LEF1: variants seen among roughly 807,000 people sequenced by gnomAD.
LEF1 encodes the protein lymphoid enhancer-binding factor 1.
A neutral mutation model predicts 51.2 loss-of-function variants in LEF1; 14 were observed. The ratio of observed to expected loss-of-function variants is 0.27; its 90% CI spans 0.18 to 0.43. LEF1 has a LOEUF of 0.43. Ranked by LOEUF, LEF1 falls within the 20% of genes least tolerant of loss-of-function variation. The probability of loss-of-function intolerance (pLI) is 1.00; values close to 1 mark genes in which losing one functional copy is unlikely to be tolerated. For synonymous variants in LEF1, 185 were observed against 183.2 expected, an observed-to-expected ratio of 1.01 and a Z score of -0.08; for missense variants, 386 against 512.0, an observed-to-expected ratio of 0.75 and a Z score of 2.37.
chr4:108,144,835 T>C (rs915168497), intron 3 of LEF1, among the ~76,000 whole-genome samples: 1 of 117,592 alleles, frequency 8.5e-6, no homozygotes, highest in Non-Finnish European at 1.6e-5. Context: ...CTGCAAGTAA[T>C]CTGTACAGCA....
intron 3 of LEF1, among the ~76,000 whole-genome samples, chr4:108,136,312 T>C (rs1226299177): frequency 1.3e-5 from 2 of 152,228 alleles, no homozygotes; most frequent in African/African-American, 4.8e-5. Context: ...TTTGTCCTTC[T>C]ACTATATGCG....
chr4:108,126,869 A>ATGTG (rs34301406), intron 3 of LEF1, among the ~76,000 whole-genome samples: 5,073 of 146,482 alleles, frequency 0.035, 182 homozygotes, highest in African/African-American at 0.098. Context: ...ATTTACTGAT[A>ATGTG]TGTGTGTGTG....
chr4:108,069,942 A>G (rs995506745), intron 9 of LEF1, among the ~76,000 whole-genome samples: 3 of 116,802 alleles, frequency 2.6e-5, no homozygotes, highest in Non-Finnish European at 3.6e-5. Flanking sequence ...TGGGCGACAG[A>G]GTGAGATTCT....
chr4:108,072,669 C>T (rs1738565607), intron 8 of LEF1, among the ~76,000 whole-genome samples: 1 of 151,978 alleles, frequency 6.6e-6, no homozygotes, highest in Non-Finnish European at 1.5e-5. Flanking sequence ...ACAAAACAAC[C>T]CTGGAAACAG....
At chr4:108,065,455 G>C (rs1738004009) in intron 9 of LEF1, among the ~76,000 whole-genome samples, 1 of 152,118 alleles carries the variant, frequency 6.6e-6, no homozygotes, top group Non-Finnish European at 1.5e-5. Flanking sequence ...CTGGGCCACA[G>C]AGTGAGCCTG....
intron 11 of LEF1, among the ~76,000 whole-genome samples, chr4:108,057,685 G>T (rs1268476866): frequency 6.6e-6 from 1 of 151,874 alleles, no homozygotes; most frequent in African/African-American, 2.4e-5. Context: ...ACCTCATCAG[G>T]CTCTCGAACA....
rs1414963951 is a variant in LEF1 at position 108,047,750 on chromosome 4, AC to A, written c.*1007del. 1.3e-5 allele frequency: 2 copies of A among 152,658 alleles called. No homozygotes were observed. Among genetic ancestry groups the A allele is most frequent in the Admixed American group, 1.3e-4 (2 of 15,290 alleles). 9.5% of individuals were successfully genotyped at this position (152,658 alleles called of 1,614,324 possible). ...TTGGCTAATAAAAACAGATACAAAT[AC>A]AGAACATTTAAAGTAATAACAATTC... On this transcript the variant is annotated 3_prime_UTR_variant, in exon 12 of 12. Coordinates refer to ENST00000265165, the MANE Select transcript of LEF1 (RefSeq NM_016269.5).
intron 3 of LEF1, among the ~76,000 whole-genome samples, chr4:108,139,173 C>T (rs1743489004): frequency 6.6e-6 from 1 of 152,142 alleles, no homozygotes. Context: ...ATTAATAGTT[C>T]CAAGAAATGT....
intron 5 of LEF1, 87 bp from the exon 6 acceptor site, chr4:108,081,756 G>A: frequency 2.2e-6 from 2 of 910,908 alleles, no homozygotes; most frequent in South Asian, 2.8e-5. Context: ...AGAAGAGGGA[G>A]ATATTCAAAC....
At chr4:108,129,448 A>C (rs1742732582) in intron 3 of LEF1, among the ~76,000 whole-genome samples, 2 of 152,212 alleles carry the variant, frequency 1.3e-5, no homozygotes, top group Non-Finnish European at 1.5e-5. Context: ...TCAGGGTAAT[A>C]ATTTTTCCTG....
Position 108,079,591 on chromosome 4 carries a change from C to T in LEF1, c.746G>A (p.Gly249Asp). 3.1e-6 allele frequency: 5 copies of T among 1,613,848 alleles called. No homozygotes were observed. Among genetic ancestry groups the T allele is most frequent in the Non-Finnish European group, 4.2e-6 (5 of 1,179,942 alleles). ...MSRFSHHMIP[G>D]PPGPHTTGIP... ...GCCAGTTGTGTGGGGACCAGGAGGA[C>T]CGGGAATCATATGATGGGAAAACCT... Residue 249 changes from glycine (G) to aspartate (D), a missense_variant, in exon 7 of 12, where the codon GGT (glycine) becomes GAT (aspartate). Coordinates refer to ENST00000265165, the MANE Select transcript of LEF1 (RefSeq NM_016269.5).
intron 3 of LEF1, among the ~76,000 whole-genome samples, chr4:108,135,793 T>A (rs1743227760): frequency 6.6e-6 from 1 of 152,172 alleles, no homozygotes; most frequent in Non-Finnish European, 1.5e-5. Context: ...TTATCCACTG[T>A]GAGTCCTTCA....
intron 5 of LEF1, among the ~76,000 whole-genome samples, chr4:108,081,988 T>C (rs1052720499): frequency 3.3e-5 from 5 of 152,174 alleles, no homozygotes; most frequent in Non-Finnish European, 5.9e-5. Flanking sequence ...TTATTGAATA[T>C]AACATAACCC....
At chr4:108,130,465 A>C (rs1006589797) in intron 3 of LEF1, among the ~76,000 whole-genome samples, 1 of 151,874 alleles carries the variant, frequency 6.6e-6, no homozygotes, top group Non-Finnish European at 1.5e-5. Flanking sequence ...CATGCCTGCA[A>C]TCCTAGCACT....
At chr4:108,110,533 A>G (rs1361786289) in intron 3 of LEF1, among the ~76,000 whole-genome samples, 1 of 152,190 alleles carries the variant, frequency 6.6e-6, no homozygotes, top group Non-Finnish European at 1.5e-5. Context: ...AGACAGACAT[A>G]TCAATGTTCT....
chr4:108,070,817 C>A, intron 8 of LEF1, 47 bp from the exon 9 acceptor site: 2 of 1,226,952 alleles, frequency 1.6e-6, no homozygotes, highest in Admixed American at 1.8e-5. Context: ...AGCAAAATAG[C>A]AATAGCATAT....
chr4:108,158,725 A>G (rs1307082187), intron 3 of LEF1, among the ~76,000 whole-genome samples: 2 of 152,112 alleles, frequency 1.3e-5, no homozygotes, highest in African/African-American at 4.8e-5. Flanking sequence ...AGAACATTAA[A>G]AAAAAAAAAC....
At chr4:108,092,910 G>A (rs1578333214) in intron 3 of LEF1, among the ~76,000 whole-genome samples, 1 of 15,546 alleles carries the variant, frequency 6.4e-5, no homozygotes, top group Non-Finnish European at 1.3e-4. Flanking sequence ...TGGAAACAAT[G>A]AATATGTAAA....
chr4:108,124,872 T>C (rs1163450210), intron 3 of LEF1, among the ~76,000 whole-genome samples: 3 of 152,158 alleles, frequency 2.0e-5, no homozygotes, highest in Admixed American at 1.3e-4. Flanking sequence ...TTTCTAACAC[T>C]CCTTTCTAGG....
Sources: gnomAD v4.1 joint callset for allele counts (sites outside exome capture counted in the v4.1 genomes callset) on GRCh38, gnomAD v4.1.1 for gene constraint, MANE v1.5 for transcripts, NCBI Gene and HGNC (gene_info 2026-07-23, HGNC 2026-07-21) for gene names.